Variants in ABHD2 observed in about 807,000 individuals in gnomAD.
ABHD2 encodes the protein abhydrolase domain containing 2, acylglycerol lipase, also known as monoacylglycerol lipase ABHD2.
In ABHD2, 20 loss-of-function variants were observed where a neutral mutation model predicts 48.1. That is an observed-to-expected ratio of 0.42 (90% confidence interval 0.29 to 0.60). The LOEUF (loss-of-function observed/expected upper bound fraction) is 0.60, where lower values mean the gene tolerates loss of function less well. Ranked by LOEUF, ABHD2 falls within the 20% of genes least tolerant of loss-of-function variation. ABHD2 has a pLI of 0.24. For synonymous variants in ABHD2, 209 were observed against 214.2 expected (o/e 0.98, Z 0.21); for missense variants, 405 against 550.9 (o/e 0.74, Z 2.65).
rs2051000291 is a variant in ABHD2, at chr15:89,175,709, C to A, written c.539-103C>A. The stretch of plus-strand genomic sequence containing the variant: ...TATATATACACATATATATTTCTCT[C>A]TCTTTTAGTATACTGGCACCCATTT... On this transcript the variant is annotated intron_variant, in intron 5 of 10. Transcript: ENST00000352732. This position sits in a 1 kb window ranked among gnomAD's most constrained non-coding sequence, Gnocchi z 5.7. 2.4e-6 allele frequency: 3 copies of A among 1,233,960 alleles called. No homozygotes were observed. Among genetic ancestry groups the A allele is most frequent in the South Asian group, 1.2e-5 (1 of 80,474 alleles). 76.4% of individuals were successfully genotyped at this position (1,233,960 alleles called of 1,614,324 possible).
intron 2 of ABHD2, among the ~76,000 whole-genome samples, chr15:89,115,996 AT>A (rs1225268627): frequency 6.6e-6 from 1 of 152,072 alleles, no homozygotes; most frequent in East Asian, 1.9e-4. Flanking sequence ...GACTGATCTT[AT>A]TTTTCCCCCT....
chr15:89,088,508 G>C lies in ABHD2; in HGVS notation c.-162G>C, dbSNP rs927878037. The C allele has an allele frequency of 6.5e-6, 1 of 152,748 alleles. No homozygotes were observed. Among genetic ancestry groups the C allele is most frequent in the African/African-American group, 2.4e-5 (1 of 41,480 alleles). The allele number at this position is 152,748 out of a possible 1,614,324, so 9.5% of individuals were successfully genotyped here. ...TCCATGAGCGCCGCTGGCAGCCGGG[G>C]AGCTGCAGGAACCAGACTGGGGGCG... On this transcript the variant is annotated 5_prime_UTR_variant, in exon 1 of 11. Transcript: ENST00000352732. The surrounding 1 kb of genome is among the most constrained non-coding windows in gnomAD (Gnocchi z 6.8).
At chr15:89,041,029 T>A in the ABHD2 span, among the ~76,000 whole-genome samples, 1 of 152,328 alleles carries the variant, frequency 6.6e-6, no homozygotes, top group East Asian at 1.9e-4. Flanking sequence ...CAGCAGAGGC[T>A]TGAAAAGTGC....
chr15:89,147,357 T>G (rs1349494420), intron 3 of ABHD2, among the ~76,000 whole-genome samples: 1 of 146,206 alleles, frequency 6.8e-6, no homozygotes, highest in Non-Finnish European at 1.5e-5. Context: ...GCTCTTTTTT[T>G]TTTTTTTTTT....
the ABHD2 span, among the ~76,000 whole-genome samples, chr15:89,054,694 GAAAA>G: frequency 2.1e-5 from 3 of 144,184 alleles, no homozygotes; most frequent in Admixed American, 7.0e-5. Flanking sequence ...AAAGAAAAAA[GAAAA>G]AAAAAAGAAA....
the ABHD2 span, among the ~76,000 whole-genome samples, chr15:89,051,104 G>A: frequency 1.3e-5 from 2 of 152,096 alleles, no homozygotes; most frequent in Non-Finnish European, 2.9e-5. Context: ...GTGGTGGTGC[G>A]CGCCTGTAAT....
At chr15:89,127,010 A>G (rs914470444) in intron 3 of ABHD2, among the ~76,000 whole-genome samples, 5 of 152,184 alleles carry the variant, frequency 3.3e-5, no homozygotes, top group African/African-American at 1.2e-4. Flanking sequence ...TGAAGACTTG[A>G]TTTTATGCAT....
rs929629395 is a variant in ABHD2 at position 89,146,693 on chromosome 15, A to T, written c.195-4984A>T. On this transcript the variant is annotated intron_variant, in intron 3 of 10. Transcript: ENST00000352732. The surrounding 1 kb of genome is among the most constrained non-coding windows in gnomAD (Gnocchi z 4.2). ...TGCCCAGATGCTTCAACTCAAGAAT[A>T]GCTTTAAAAAATACAGACAGAAAGA... Among the ~76,000 whole-genome samples, 9 of 152,202 alleles carry T rather than the reference A, an allele frequency of 5.9e-5. No homozygotes were observed. Among genetic ancestry groups the T allele is most frequent in the African/African-American group, 2.2e-4 (9 of 41,450 alleles).
At position 89,155,677 on chromosome 15, in the gene ABHD2, C is replaced by G. The variant is rs897504351; in HGVS notation, c.538+143C>G. The G allele has an allele frequency of 1.1e-5, 11 of 1,047,142 alleles. No individual in the cohort carries two copies. In the African/African-American group the frequency reaches 1.3e-4, roughly 12 times the overall value. 64.9% of individuals were successfully genotyped at this position (1,047,142 alleles called of 1,614,324 possible). ...GTCACACGGTTATATCAACAGCCAACTTGTACTGGGCATTGATGATGCCAT... is the reference window on the plus strand; with the variant it reads ...GTCACACGGTTATATCAACAGCCAAGTTGTACTGGGCATTGATGATGCCAT... On this transcript the variant is annotated intron_variant, in intron 5 of 10. Transcript: ENST00000352732. The surrounding 1 kb of genome is among the most constrained non-coding windows in gnomAD (Gnocchi z 4.9).
rs4032279 is a variant in ABHD2 at position 89,146,355 on chromosome 15, C to CGTGT, written c.195-5281_195-5278dup. ...TGAGCTTCATCTGCTCAAAGACGTA[C>CGTGT]GTGTGTGTGTGTGTGTGTGTGTGTG... On this transcript the variant is annotated intron_variant, in intron 3 of 10. Transcript: ENST00000352732. This position sits in a 1 kb window ranked among gnomAD's most constrained non-coding sequence, Gnocchi z 4.2. Among the ~76,000 whole-genome samples the CGTGT allele has an allele frequency of 0.028, 3,359 of 121,560 alleles. 63 individuals carry two copies. Among genetic ancestry groups the CGTGT allele is most frequent in the African/African-American group, 0.04 (1,274 of 31,874 alleles). The allele number at this position is 121,560 out of a possible 152,430, so 79.7% of individuals were successfully genotyped here. A position where few individuals can be genotyped will look rare whatever the true frequency, so the allele number is the denominator to read the frequency against.
In ABHD2 at chr15:89,201,543, G is replaced by A. The variant is rs2051465464; in HGVS notation, c.*6120G>A. On this transcript the variant is annotated 3_prime_UTR_variant, in exon 11 of 11. Transcript: ENST00000352732. The stretch of plus-strand genomic sequence containing the variant: ...AAACTTGTGTTTACTCTTTTCATTC[G>A]GATCATAGTCAAAGGGCTGTAGCAT... 3.8e-6 allele frequency: 6 copies of A among 1,594,658 alleles called. No homozygotes were observed. Among genetic ancestry groups the A allele is most frequent in the African/African-American group, 1.3e-5 (1 of 74,640 alleles).
rs537634656 is a variant in ABHD2, at chr15:89,155,802, A to G, written c.538+268A>G. Among the ~76,000 whole-genome samples, 90 of 152,308 alleles carry G rather than the reference A, an allele frequency of 5.9e-4. No individual in the cohort carries two copies. The highest frequency in any genetic ancestry group is 2.1e-3 in the African/African-American group (86 of 41,582). ...TCTTGCCCAAGGTCCCCTAGCTAGT[A>G]AGAGTCACAGCAGGGCTGGGAGCCA... is the stretch of plus-strand genomic sequence containing the variant. On this transcript the variant is annotated intron_variant, in intron 5 of 10. Coordinates refer to ENST00000352732, the MANE Select transcript of ABHD2 (RefSeq NM_152924.5). This position sits in a 1 kb window ranked among gnomAD's most constrained non-coding sequence, Gnocchi z 4.9.
At position 89,179,627 on chromosome 15, in the gene ABHD2, A is replaced by T. The variant is rs186804259; in HGVS notation, c.722+3632A>T. 2.5e-4 allele frequency among the ~76,000 whole-genome samples: 38 copies of T among 152,256 alleles called. No individual in the cohort carries two copies. The highest frequency in any genetic ancestry group is 3.4e-3 in the Middle Eastern group (1 of 294). ...ATGATAATGTAATAATAATAGGGAA[A>T]AAGTACATTATAAATGTAATGTGCT... On this transcript the variant is annotated intron_variant, in intron 6 of 10. Transcript: ENST00000352732. This position sits in a 1 kb window ranked among gnomAD's most constrained non-coding sequence, Gnocchi z 4.3.
rs899587276 is a variant in ABHD2, at chr15:89,104,407, G to C, written c.-106-9318G>C. On this transcript the variant is annotated intron_variant, in intron 1 of 10. Transcript: ENST00000352732. The surrounding 1 kb of genome is among the most constrained non-coding windows in gnomAD (Gnocchi z 4.4). ...GGTCGTGGCCCATTGGTCATTGGTCGGGTTTCCTCACAAATGCCTGCCATG... is the reference window on the plus strand; with the variant it reads ...GGTCGTGGCCCATTGGTCATTGGTCCGGTTTCCTCACAAATGCCTGCCATG... 2 of 152,084 alleles carry C rather than the reference G, an allele frequency of 1.3e-5. No homozygotes were observed. Among genetic ancestry groups the C allele is most frequent in the Non-Finnish European group, 2.9e-5 (2 of 68,054 alleles). The allele number at this position is 152,084 out of a possible 1,614,324, so 9.4% of individuals were successfully genotyped here.
At chr15:89,139,778 C>G (rs764450570) in intron 3 of ABHD2, among the ~76,000 whole-genome samples, 1 of 152,072 alleles carries the variant, frequency 6.6e-6, no homozygotes, top group Non-Finnish European at 1.5e-5. Flanking sequence ...AGTGTGTGCA[C>G]TCAAGTAAGC....
the ABHD2 span, among the ~76,000 whole-genome samples, chr15:89,070,597 A>G: frequency 6.6e-6 from 1 of 152,202 alleles, no homozygotes; most frequent in Non-Finnish European, 1.5e-5. Context: ...ATAAACACTC[A>G]GCAGATCTGG....
the ABHD2 span, among the ~76,000 whole-genome samples, chr15:89,060,083 C>CTTTTT: frequency 2.6e-5 from 2 of 77,604 alleles, no homozygotes; most frequent in African/African-American, 1.1e-4. Flanking sequence ...ACTCCAAGGC[C>CTTTTT]TTTTTTTTTT....
Position 89,175,767 on chromosome 15 carries a change from G to C in ABHD2, c.539-45G>C. 1 of 1,609,022 alleles carries C rather than the reference G, an allele frequency of 6.2e-7. No individual in the cohort carries two copies. Among genetic ancestry groups the C allele is most frequent in the South Asian group, 1.1e-5 (1 of 90,552 alleles). ...TTCCAGCTTGCATTTTCTCCAGATA[G>C]GATGCACCTGAAATGATTGAGCAAT... On this transcript the variant is annotated intron_variant, in intron 5 of 10. Coordinates refer to ENST00000352732, the MANE Select transcript of ABHD2 (RefSeq NM_152924.5). This position sits in a 1 kb window ranked among gnomAD's most constrained non-coding sequence, Gnocchi z 5.7.
the ABHD2 span, among the ~76,000 whole-genome samples, chr15:89,041,535 C>A: frequency 2.0e-5 from 3 of 152,360 alleles, no homozygotes; most frequent in East Asian, 5.8e-4. Flanking sequence ...CTTAGTGCAG[C>A]AGTTAAAAGC....
Sources: gnomAD v4.1 joint callset for allele counts (sites outside exome capture counted in the v4.1 genomes callset) on GRCh38, gnomAD v4.1.1 for gene constraint, Gnocchi (gnomAD v3.1) non-coding constraint, MANE v1.5 for transcripts, NCBI Gene and HGNC (gene_info 2026-07-23, HGNC 2026-07-21) for gene names.